The following SPATA22 variants were observed in gnomAD, a reference collection of about 807,000 sequenced individuals.
The protein encoded by SPATA22 is spermatogenesis associated 22.
In SPATA22, 29 loss-of-function variants were observed where a neutral mutation model predicts 47.8. The observed-to-expected ratio is 0.61, with a 90% CI of 0.45 to 0.83. SPATA22 has a LOEUF of 0.83. SPATA22 is among the 40% of genes least tolerant of loss of function. The pLI is 0.00. For synonymous variants in SPATA22, 133 were observed against 140.9 expected (o/e 0.94, Z 0.40); for missense variants, 410 against 421.7 (o/e 0.97, Z 0.24).
At chr17:3,495,935 A>T (rs903842042) in intron 1 of SPATA22, among the ~76,000 whole-genome samples, 2 of 152,194 alleles carry the variant, frequency 1.3e-5, no homozygotes, top group Non-Finnish European at 2.9e-5. Flanking sequence ...TTGGTGACAA[A>T]AATATCAAGT....
At chr17:3,463,950 T>TCCCTCC (rs1567601719) in intron 3 of SPATA22, among the ~76,000 whole-genome samples, 1 of 61,654 alleles carries the variant, frequency 1.6e-5, no homozygotes, top group African/African-American at 7.2e-5. Context: ...CCTCTCCCTC[T>TCCCTCC]GCCTCTCCCT....
At chr17:3,470,014 G>A (rs1336506618) in intron 1 of SPATA22, among the ~76,000 whole-genome samples, 3 of 142,748 alleles carry the variant, frequency 2.1e-5, no homozygotes, top group African/African-American at 2.6e-5. Context: ...AATCGCTTGA[G>A]CCCGAGAGGC....
At position 3,481,510 on chromosome 17, in the gene SPATA22, G is replaced by A; in HGVS notation, c.-73-12112C>T. 3.5e-6 allele frequency: 4 copies of A among 1,154,244 alleles called. No homozygotes were observed. The South Asian group carries it at 5.7e-5, about 17-fold the overall frequency. The allele number at this position is 1,154,244 out of a possible 1,614,324, so 71.5% of individuals were successfully genotyped here. ...CACAGATTTTTCATATTAAAGATTT[G>A]GCGACTGGTTCTTTTTACACTGTGT... On this transcript the variant is annotated intron_variant, in intron 1 of 8. Transcript: ENST00000541913.
chr17:3,497,147 A>G (rs1467564272), intron 1 of SPATA22, among the ~76,000 whole-genome samples: 1 of 152,012 alleles, frequency 6.6e-6, no homozygotes, highest in Non-Finnish European at 1.5e-5. Context: ...CAGGGAATCA[A>G]TTGAGTTCAC....
Position 3,440,203 on chromosome 17 carries a change from C to T in SPATA22, c.1036G>A (p.Val346Ile). 3 of 1,609,648 alleles carry T rather than the reference C, an allele frequency of 1.9e-6. No individual in the cohort carries two copies. The highest frequency in any genetic ancestry group is 2.5e-6 in the Non-Finnish European group (3 of 1,178,212). ...TGCATCTCAACATCTGCAATTTTGA[C>T]AAATGCCTGGAAAGTTTTTTGTTCA... ...VSEQKTFQAF[V>I]KIADVEMQYY... The change falls in exon 9 of 9, where the codon GTC becomes ATC. Residue 346 changes from valine (V) to isoleucine (I), a missense_variant. Transcript: ENST00000572969.
At chr17:3,483,081 G>A (rs1567611854) in intron 1 of SPATA22, among the ~76,000 whole-genome samples, 2 of 151,966 alleles carry the variant, frequency 1.3e-5, no homozygotes, top group African/African-American at 2.4e-5. Context: ...AGCAGGAGGA[G>A]GGGGAATCAC....
chr17:3,506,964 GAA>G (rs2074045906), intron 1 of SPATA22, among the ~76,000 whole-genome samples: 1 of 132,770 alleles, frequency 7.5e-6, no homozygotes, highest in African/African-American at 2.8e-5. Context: ...GAGAGAGAGA[GAA>G]AGAGAGAGAG....
At chr17:3,460,119 G>C (rs1267225102) in intron 5 of SPATA22, among the ~76,000 whole-genome samples, 1 of 151,964 alleles carries the variant, frequency 6.6e-6, no homozygotes, top group African/African-American at 2.4e-5. Context: ...CTTAATCAAG[G>C]GTTTTCTTGG....
At chr17:3,502,885 G>T (rs1310196667) in intron 1 of SPATA22, 1 of 152,296 alleles carries the variant, frequency 6.6e-6, no homozygotes, top group Non-Finnish European at 1.5e-5. Context: ...GCTGTTGCCA[G>T]CAGAGGTGGT....
At chr17:3,477,136 CAG>C (rs925037146) in intron 1 of SPATA22, among the ~76,000 whole-genome samples, 10 of 151,890 alleles carry the variant, frequency 6.6e-5, no homozygotes, top group African/African-American at 2.4e-4. Flanking sequence ...GCCTGGGAGA[CAG>C]AGCAAGACTC....
At position 3,485,749 on chromosome 17, in the gene SPATA22, T is replaced by G. The variant is rs12945398; in HGVS notation, c.-73-16351A>C. On this transcript the variant is annotated intron_variant, in intron 1 of 8. Transcript: ENST00000541913. The surrounding 1 kb of genome is among the most constrained non-coding windows in gnomAD (Gnocchi z 4.4). ...ACAAGCTAACCATTAGCCTAGCACC[T>G]CTGAGTGGATGCCAGTAGAAGACAC... Among the ~76,000 whole-genome samples the G allele has an allele frequency of 6.6e-6, 1 of 152,122 alleles. No homozygotes were observed. The highest frequency in any genetic ancestry group is 1.5e-5 in the Non-Finnish European group (1 of 68,034).
At chr17:3,487,857 A>G (rs1408102485) in intron 1 of SPATA22, among the ~76,000 whole-genome samples, 1 of 152,226 alleles carries the variant, frequency 6.6e-6, no homozygotes, top group Non-Finnish European at 1.5e-5. Context: ...TAGGCAAACG[A>G]CAATGTATTC....
chr17:3,476,993 A>C (rs1274723751), intron 1 of SPATA22, among the ~76,000 whole-genome samples: 1 of 152,046 alleles, frequency 6.6e-6, no homozygotes, highest in Non-Finnish European at 1.5e-5. Flanking sequence ...ATCTCTACTA[A>C]AAATACAAAA....
intron 1 of SPATA22, chr17:3,494,299 C>T (rs773348103): frequency 1.3e-5 from 19 of 1,412,806 alleles, no homozygotes; most frequent in Middle Eastern, 3.5e-4. Context: ...CCACCACACC[C>T]GGCCCAGAGA....
At chr17:3,443,392 G>T in intron 7 of SPATA22, 121 bp from the exon 8 acceptor site, 1 of 589,096 alleles carries the variant, frequency 1.7e-6, no homozygotes, top group Non-Finnish European at 2.8e-6. Context: ...TATTTATATA[G>T]CAATAAAGAA....
intron 1 of SPATA22, among the ~76,000 whole-genome samples, chr17:3,497,946 G>A (rs1381403456): frequency 6.6e-6 from 1 of 152,096 alleles, no homozygotes; most frequent in Non-Finnish European, 1.5e-5. Context: ...GGTTCCCGTG[G>A]TGTGACAGCC....
intron 1 of SPATA22, chr17:3,501,064 C>T (rs985597719): frequency 8.6e-5 from 13 of 152,024 alleles, no homozygotes; most frequent in Admixed American, 2.6e-4. Context: ...CCTGCTACCA[C>T]GACATCCAGC....
chr17:3,469,045 G>C lies in SPATA22; in HGVS notation c.43+238C>G, dbSNP rs550834638. On this transcript the variant is annotated intron_variant, in intron 2 of 8. Coordinates refer to ENST00000572969, the MANE Select transcript of SPATA22 (RefSeq NM_001170698.2). ...AGTTTTAAAGCATAGAATAACTCAAGCACATCGAATTTGTAGAAAGAATAT... is the reference window on the plus strand; with the variant it reads ...AGTTTTAAAGCATAGAATAACTCAACCACATCGAATTTGTAGAAAGAATAT... The C allele has an allele frequency of 3.0e-5, 11 of 364,440 alleles. No individual in the cohort carries two copies. The South Asian group carries it at 1.2e-3, about 41-fold the overall frequency. 22.6% of individuals were successfully genotyped at this position (364,440 alleles called of 1,614,324 possible). A position where few individuals can be genotyped will look rare whatever the true frequency, so the allele number is the denominator to read the frequency against.
Position 3,462,593 on chromosome 17 carries a change from T to C in SPATA22, c.234-15A>G, listed in dbSNP as rs762629036. 3.1e-6 allele frequency: 5 copies of C among 1,605,822 alleles called. No individual in the cohort carries two copies. In the African/African-American group the frequency reaches 5.4e-5, roughly 17 times the overall value. On this transcript the variant is annotated splice_polypyrimidine_tract_variant and intron_variant, in intron 4 of 8. Coordinates refer to ENST00000572969, the MANE Select transcript of SPATA22 (RefSeq NM_001170698.2). ...GTGGTATTTGCCTTTCAAGGGAATATGTCTTGTTAAATATTAATAGTTTGC... is the reference window on the plus strand; with the variant it reads ...GTGGTATTTGCCTTTCAAGGGAATACGTCTTGTTAAATATTAATAGTTTGC...
Sources: allele counts gnomAD v4.1 joint callset (sites outside exome capture counted in the v4.1 genomes callset), GRCh38; gene constraint gnomAD v4.1.1; non-coding constraint Gnocchi (gnomAD v3.1); transcripts MANE v1.5; gene names NCBI Gene and HGNC (gene_info 2026-07-23, HGNC 2026-07-21).